Variants in PRKG2 observed in about 807,000 individuals in gnomAD.
The protein encoded by PRKG2 is cGMP-dependent protein kinase 2.
A neutral mutation model predicts 97.2 loss-of-function variants in PRKG2; 33 were observed. The observed-to-expected ratio is 0.34, with a 90% CI of 0.26 to 0.45. PRKG2 has a LOEUF of 0.45. Among genes scored for constraint, PRKG2 ranks in the 20% least tolerant of loss-of-function variants. PRKG2 has a pLI of 1.00. For missense variants in PRKG2, 638 were observed against 900.0 expected (o/e 0.71, Z 3.73); for synonymous variants, 330 against 321.8 (o/e 1.03, Z -0.27).
chr4:81,204,659 G>A lies in PRKG2; in HGVS notation c.389C>T (p.Thr130Ile). Residue 130 changes from threonine to isoleucine, a missense_variant, in exon 2 of 19, where the codon ACA becomes ATA. Coordinates refer to ENST00000264399, the MANE Select transcript of PRKG2 (RefSeq NM_006259.3). ...TTTGTTCAGGTCATAGGTCCGGGTTGTTGGCTCAGCAGACACGCCAGCCTT... is the reference window on the plus strand; with the variant it reads ...TTTGTTCAGGTCATAGGTCCGGGTTATTGGCTCAGCAGACACGCCAGCCTT... Reference protein sequence around the residue: ...GAKAGVSAEPTTRTYDLNKPP... With the variant: ...GAKAGVSAEPITRTYDLNKPP... 6.2e-7 allele frequency: 1 copy of A among 1,614,190 alleles called. No individual in the cohort carries two copies. Among genetic ancestry groups the A allele is most frequent in the African/African-American group, 1.3e-5 (1 of 75,048 alleles).
At chr4:81,160,038 A>T (rs1472638603) in intron 6 of PRKG2, among the ~76,000 whole-genome samples, 2 of 151,964 alleles carry the variant, frequency 1.3e-5, no homozygotes, top group South Asian at 4.2e-4. Context: ...GCAGCGCACC[A>T]GCATGGCACA....
In PRKG2 at chr4:81,105,636, G is replaced by T. The variant is rs145824079; in HGVS notation, c.2063+177C>A. Among the ~76,000 whole-genome samples the T allele has an allele frequency of 3.5e-3, 539 of 152,150 alleles. 3 individuals carry two copies. Among genetic ancestry groups the T allele is most frequent in the Non-Finnish European group, 5.2e-3 (354 of 68,010 alleles). On this transcript the variant is annotated intron_variant, in intron 16 of 18. Transcript: ENST00000264399. ...AGTAGGTACTGTGATTCTGTAATGT[G>T]AGGTCAACTAAAACCCCCTACACTG...
upstream of PRKG2, among the ~76,000 whole-genome samples, chr4:81,217,572 C>A (rs1177010692): frequency 6.6e-6 from 1 of 152,116 alleles, no homozygotes; most frequent in Non-Finnish European, 1.5e-5. Context: ...CATCTCAGGC[C>A]CAGTGCTAAA....
intron 12 of PRKG2, among the ~76,000 whole-genome samples, chr4:81,139,233 A>T (rs1328159118): frequency 1.3e-5 from 2 of 152,144 alleles, no homozygotes; most frequent in Non-Finnish European, 1.5e-5. Context: ...ACCAGGGTAC[A>T]TTCCCCCTTG....
intron 14 of PRKG2, among the ~76,000 whole-genome samples, chr4:81,123,050 G>A (rs1745217421): frequency 6.6e-6 from 1 of 152,124 alleles, no homozygotes; most frequent in Admixed American, 6.5e-5. Context: ...CACCTATTGG[G>A]AACAATATTC....
intron 3 of PRKG2, 151 bp downstream of exon 3, chr4:81,174,642 A>G (rs1278984817): frequency 6.9e-6 from 5 of 724,690 alleles, no homozygotes; most frequent in Non-Finnish European, 1.1e-5. Flanking sequence ...TACCATCATC[A>G]TGATTAGATC....
At chr4:81,114,410 G>T (rs918216197) in intron 14 of PRKG2, among the ~76,000 whole-genome samples, 4 of 152,004 alleles carry the variant, frequency 2.6e-5, no homozygotes, top group Non-Finnish European at 4.4e-5. Context: ...ATGGATACTT[G>T]TCTATAGTAA....
At chr4:81,115,994 T>G (rs1342893747) in intron 14 of PRKG2, among the ~76,000 whole-genome samples, 1 of 152,196 alleles carries the variant, frequency 6.6e-6, no homozygotes, top group Non-Finnish European at 1.5e-5. Context: ...TTATTAATCT[T>G]ACATCCACAA....
At chr4:81,162,063 T>C (rs11722020) in intron 6 of PRKG2, among the ~76,000 whole-genome samples, 19,553 of 152,072 alleles carry the variant, frequency 0.13, 1,940 homozygotes, top group East Asian at 0.46. Context: ...AGAAGGAGGA[T>C]GATAATGATT....
intron 5 of PRKG2, 145 bp downstream of exon 5, chr4:81,169,518 C>T: frequency 3.1e-6 from 2 of 636,694 alleles, no homozygotes; most frequent in Non-Finnish European, 2.7e-6. Flanking sequence ...CTGGCATTTA[C>T]TGCAAGCAAT....
intron 17 of PRKG2, among the ~76,000 whole-genome samples, chr4:81,097,782 C>A (rs1286782524): frequency 6.6e-6 from 1 of 152,128 alleles, no homozygotes; most frequent in Non-Finnish European, 1.5e-5. Flanking sequence ...CAATTTCTGA[C>A]AGCTTCTGAC....
At chr4:81,206,851 A>G (rs934397401) in intron 1 of PRKG2, among the ~76,000 whole-genome samples, 3 of 152,256 alleles carry the variant, frequency 2.0e-5, no homozygotes, top group African/African-American at 7.2e-5. Context: ...CAAATAGTCA[A>G]TGCAGATTGC....
At chr4:81,143,789 C>CA (rs1003573338) in intron 10 of PRKG2, among the ~76,000 whole-genome samples, 5 of 152,182 alleles carry the variant, frequency 3.3e-5, no homozygotes, top group East Asian at 1.9e-4. Flanking sequence ...CTAGTACACA[C>CA]AAAAAATTAA....
At chr4:81,141,293 G>A (rs571346752) in intron 11 of PRKG2, among the ~76,000 whole-genome samples, 11 of 152,264 alleles carry the variant, frequency 7.2e-5, no homozygotes, top group African/African-American at 2.6e-4. Context: ...TTATAAGCAT[G>A]AGCCACCGCA....
chr4:81,130,880 C>T (rs930443859), intron 14 of PRKG2, among the ~76,000 whole-genome samples: 2 of 152,174 alleles, frequency 1.3e-5, no homozygotes, highest in East Asian at 3.9e-4. Context: ...GCTGTGCTGG[C>T]AGGGAGAATT....
chr4:81,122,914 C>T (rs917845649), intron 14 of PRKG2, among the ~76,000 whole-genome samples: 19 of 152,334 alleles, frequency 1.2e-4, no homozygotes, highest in African/African-American at 4.1e-4. Context: ...CACTGCAGTC[C>T]GCTCAGAAGC....
chr4:81,140,733 T>C lies in PRKG2; in HGVS notation c.1408-64A>G, dbSNP rs904305875. 4.2e-6 allele frequency: 6 copies of C among 1,419,274 alleles called. No homozygotes were observed. The Admixed American group carries it at 1.0e-4, about 24-fold the overall frequency. 87.9% of individuals were successfully genotyped at this position (1,419,274 alleles called of 1,614,324 possible). A position where few individuals can be genotyped will look rare whatever the true frequency, so the allele number is the denominator to read the frequency against. ...TATCTATATAAAACACACTAATCAATGAGAGTTAAAACTGTTTCATGTTTA... is the reference window on the plus strand; with the variant it reads ...TATCTATATAAAACACACTAATCAACGAGAGTTAAAACTGTTTCATGTTTA... On this transcript the variant is annotated intron_variant, in intron 11 of 18. Coordinates refer to ENST00000264399, the MANE Select transcript of PRKG2 (RefSeq NM_006259.3).
At chr4:81,166,306 TG>T (rs200893500) in intron 6 of PRKG2, among the ~76,000 whole-genome samples, 2 of 152,006 alleles carry the variant, frequency 1.3e-5, no homozygotes, top group Admixed American at 6.6e-5. Context: ...TGCAGGGTTT[TG>T]GGGGTTTTTT....
intron 14 of PRKG2, among the ~76,000 whole-genome samples, chr4:81,126,540 T>C (rs1309425400): frequency 6.6e-6 from 1 of 152,224 alleles, no homozygotes; most frequent in Non-Finnish European, 1.5e-5. Flanking sequence ...CATCATCTGT[T>C]ATTTCCAGAC....
Sources: allele counts gnomAD v4.1 joint callset (sites outside exome capture counted in the v4.1 genomes callset), GRCh38; gene constraint gnomAD v4.1.1; transcripts MANE v1.5; gene names NCBI Gene and HGNC (gene_info 2026-07-23, HGNC 2026-07-21).